VWF: variants seen among roughly 807,000 people sequenced by gnomAD.
VWF encodes von Willebrand factor.
VWF carries 176 observed loss-of-function variants against 308.6 expected under a neutral mutation model. The ratio of observed to expected loss-of-function variants is 0.57; its 90% confidence interval spans 0.50 to 0.65. The LOEUF (loss-of-function observed/expected upper bound fraction) is 0.65, where lower values mean the gene tolerates loss of function less well. VWF is among the 30% of genes least tolerant of loss of function. VWF has a pLI of 0.00. For missense variants in VWF, 3,146 were observed against 3,648.2 expected, an observed-to-expected ratio of 0.86 and a Z score of 3.55; for synonymous variants, 1,385 against 1,443.4, an observed-to-expected ratio of 0.96 and a Z score of 0.92.
rs1423539763 is a variant in VWF at position 6,046,092 on chromosome 12, C to T, written c.2281+631G>A. On this transcript the variant is annotated intron_variant, in intron 17 of 51. Transcript: ENST00000261405. This position sits in a 1 kb window ranked among gnomAD's most constrained non-coding sequence, Gnocchi z 5.0. ...ACAAAAAATTAGCCAGGTGTGGTGGCGCATGCCTGTAATTCCAGCTACTTG... is the reference window on the plus strand; with the variant it reads ...ACAAAAAATTAGCCAGGTGTGGTGGTGCATGCCTGTAATTCCAGCTACTTG... Among the ~76,000 whole-genome samples the T allele has an allele frequency of 2.0e-5, 3 of 152,102 alleles. No individual in the cohort carries two copies. The highest frequency in any genetic ancestry group is 7.2e-5 in the African/African-American group (3 of 41,398).
rs55842185 is a variant in VWF, at chr12:6,051,286, C to CTTTTTTTT, written c.2186+1249_2186+1256dup. On this transcript the variant is annotated intron_variant, in intron 16 of 51. Coordinates refer to ENST00000261405, the MANE Select transcript of VWF (RefSeq NM_000552.5). ...TTCCATAATCAGGACTTCTTTTTTT[C>CTTTTTTTT]TTTTTTTTTTTTTTTTTTTTTTTGA... Among the ~76,000 whole-genome samples the CTTTTTTTT allele has an allele frequency of 9.3e-3, 1,090 of 117,276 alleles. 1 individual carries two copies. The highest frequency in any genetic ancestry group is 0.012 in the Non-Finnish European group (699 of 57,780). 76.9% of individuals were successfully genotyped at this position (117,276 alleles called of 152,430 possible).
intron 34 of VWF, among the ~76,000 whole-genome samples, chr12:6,003,188 A>T (rs1017633657): frequency 1.3e-5 from 2 of 152,234 alleles, no homozygotes; most frequent in African/African-American, 4.8e-5. Flanking sequence ...AAAGTTCTGG[A>T]TATTATTGTA....
At position 6,024,637 on chromosome 12, in the gene VWF, C is replaced by T. The variant is rs376061465; in HGVS notation, c.3223-850G>A. On this transcript the variant is annotated intron_variant, in intron 24 of 51. Transcript: ENST00000261405. This position sits in a 1 kb window ranked among gnomAD's most constrained non-coding sequence, Gnocchi z 4.0. The stretch of plus-strand genomic sequence containing the variant: ...CACAGCAGCATGTATGTGTGCATGG[C>T]TGTGTGTGTACACAGACTTCTGTAG... 2.6e-5 allele frequency among the ~76,000 whole-genome samples: 4 copies of T among 152,368 alleles called. No individual in the cohort carries two copies. The East Asian group carries it at 5.8e-4, about 22-fold the overall frequency.
rs971152352 is a variant in VWF, at chr12:6,024,303, G to A, written c.3223-516C>T. Among the ~76,000 whole-genome samples, 1 of 152,212 alleles carries A rather than the reference G, an allele frequency of 6.6e-6. No homozygotes were observed. Among genetic ancestry groups the A allele is most frequent in the Non-Finnish European group, 1.5e-5 (1 of 68,034 alleles). On this transcript the variant is annotated intron_variant, in intron 24 of 51. Transcript: ENST00000261405. The surrounding 1 kb of genome is among the most constrained non-coding windows in gnomAD (Gnocchi z 4.0). Reference sequence around the variant, plus strand: ...GGCCTAGACTCTGATTCCAAATCCAGTTCAACCAGTTCCAACCCTTCCTCA... The same window carrying A: ...GGCCTAGACTCTGATTCCAAATCCAATTCAACCAGTTCCAACCCTTCCTCA...
chr12:6,112,773 G>A (rs1402678576), intron 3 of VWF, among the ~76,000 whole-genome samples: 3 of 151,974 alleles, frequency 2.0e-5, no homozygotes, highest in Admixed American at 6.6e-5. Flanking sequence ...GTCCCCAGCA[G>A]GGCTCTGGGC....
At chr12:6,087,386 T>G (rs1591909253) in intron 6 of VWF, among the ~76,000 whole-genome samples, 1 of 127,696 alleles carries the variant, frequency 7.8e-6, no homozygotes. Context: ...TGAGACAGAG[T>G]CTCACCCTGT....
intron 5 of VWF, among the ~76,000 whole-genome samples, chr12:6,105,297 C>G (rs558924808): frequency 2.0e-5 from 3 of 152,112 alleles, no homozygotes; most frequent in African/African-American, 7.2e-5. Flanking sequence ...GGGGCGATCT[C>G]GGCTCATTGC....
At chr12:6,092,860 G>A (rs2136497005) in intron 6 of VWF, among the ~76,000 whole-genome samples, 1 of 152,048 alleles carries the variant, frequency 6.6e-6, no homozygotes, top group African/African-American at 2.4e-5. Context: ...TAACATGTAT[G>A]TTTGCTTACT....
intron 3 of VWF, among the ~76,000 whole-genome samples, chr12:6,115,469 T>TGAC (rs1945352968): frequency 6.6e-6 from 1 of 152,216 alleles, no homozygotes; most frequent in Non-Finnish European, 1.5e-5. Context: ...CACAACTTTA[T>TGAC]GACTCAGGAC....
At chr12:6,032,051 C>T (rs2136427323) in intron 20 of VWF, among the ~76,000 whole-genome samples, 1 of 152,318 alleles carries the variant, frequency 6.6e-6, no homozygotes, top group East Asian at 1.9e-4. Flanking sequence ...TTTGACACAG[C>T]TCCATGGGTC....
chr12:5,949,294 C>G lies in VWF; in HGVS notation c.8254-91G>C, dbSNP rs1943151135. ...TGGGGCAGCCTGCTTTCTCCCTGACCCCCTCCAAGCAAGGCAGGTCTGATC... is the reference window on the plus strand; with the variant it reads ...TGGGGCAGCCTGCTTTCTCCCTGACGCCCTCCAAGCAAGGCAGGTCTGATC... On this transcript the variant is annotated intron_variant, in intron 51 of 51. Coordinates refer to ENST00000261405, the MANE Select transcript of VWF (RefSeq NM_000552.5). 16 of 1,370,232 alleles carry G rather than the reference C, an allele frequency of 1.2e-5. No individual in the cohort carries two copies. In the East Asian group the frequency reaches 3.7e-4, roughly 32 times the overall value. The allele number at this position is 1,370,232 out of a possible 1,614,324, so 84.9% of individuals were successfully genotyped here.
At chr12:5,957,089 T>C (rs1943260181) in intron 47 of VWF, among the ~76,000 whole-genome samples, 1 of 152,208 alleles carries the variant, frequency 6.6e-6, no homozygotes, top group South Asian at 2.1e-4. Flanking sequence ...GATATACAAA[T>C]GCTAATCATT....
In VWF at chr12:6,075,342, G is replaced by A. The variant is rs746977731; in HGVS notation, c.867C>T (p.Ser289=). The A allele has an allele frequency of 1.4e-5, 23 of 1,613,812 alleles. No individual in the cohort carries two copies. Among genetic ancestry groups the A allele is most frequent in the South Asian group, 3.3e-5 (3 of 91,088 alleles). The change falls in exon 7 of 52, where the codon AGC becomes AGT. Residue 289 remains serine, a synonymous_variant. Coordinates refer to ENST00000261405, the MANE Select transcript of VWF (RefSeq NM_000552.5). This position sits in a 1 kb window ranked among gnomAD's most constrained non-coding sequence, Gnocchi z 4.7. ...GGCAGGGGGCCGACTTACTGCACGCGCTGTGGTCGGTCCAGCCGTACAGCA... is the reference window on the plus strand; with the variant it reads ...GGCAGGGGGCCGACTTACTGCACGCACTGTGGTCGGTCCAGCCGTACAGCA... ...GMVLYGWTDH[S]ACSPVCPAGM...
chr12:5,982,140 A>G (rs1230868304), intron 41 of VWF, 149 bp from the exon 42 acceptor site: 9 of 706,738 alleles, frequency 1.3e-5, no homozygotes, highest in South Asian at 5.4e-5. Context: ...GAGTTATTCA[A>G]TGTTACCAAA....
rs1052481895 is a variant in VWF at position 6,123,235 on chromosome 12, C to T, written c.1-39G>A. The T allele has an allele frequency of 1.9e-6, 3 of 1,613,510 alleles. No homozygotes were observed. The African/African-American group carries it at 4.0e-5, about 22-fold the overall frequency. On this transcript the variant is annotated intron_variant, in intron 1 of 51. Coordinates refer to ENST00000261405, the MANE Select transcript of VWF (RefSeq NM_000552.5). ...AGAGACGTGAGCTGGTCATTGCTGC[C>T]CAGGTAGGCGGCTGCTGGTGTGGCG...
intron 6 of VWF, among the ~76,000 whole-genome samples, chr12:6,092,626 T>TGAGAGAGAGAGAGAGAGA (rs1242670462): frequency 2.9e-4 from 24 of 83,530 alleles, no homozygotes; most frequent in South Asian, 7.6e-4. Context: ...AGAGTGTGTG[T>TGAGAGAGAGAGAGAGAGA]GTGTGTGTGT....
At chr12:6,092,577 C>T (rs115551451) in intron 6 of VWF, among the ~76,000 whole-genome samples, 1,564 of 131,722 alleles carry the variant, frequency 0.012, 56 homozygotes, top group African/African-American at 0.049. Flanking sequence ...TGTGTGCGTG[C>T]GTGCATGCCA....
intron 6 of VWF, among the ~76,000 whole-genome samples, chr12:6,092,636 T>A (rs879347046): frequency 0.069 from 5,223 of 75,376 alleles, 201 homozygotes; most frequent in African/African-American, 0.15. Context: ...TGTGTGTGTG[T>A]GTGTGTGTGT....
At chr12:6,049,626 G>A (rs574107753) in intron 16 of VWF, among the ~76,000 whole-genome samples, 16 of 152,174 alleles carry the variant, frequency 1.1e-4, no homozygotes, top group Non-Finnish European at 2.1e-4. Flanking sequence ...GTCACTTGCT[G>A]GCTGATTTAG....
Sources: gnomAD v4.1 joint callset for allele counts (sites outside exome capture counted in the v4.1 genomes callset) on GRCh38, gnomAD v4.1.1 for gene constraint, Gnocchi (gnomAD v3.1) non-coding constraint, MANE v1.5 for transcripts, NCBI Gene and HGNC (gene_info 2026-07-23, HGNC 2026-07-21) for gene names.